The following SLC30A4 variants were observed in gnomAD, a reference collection of about 807,000 sequenced individuals.
SLC30A4 encodes probable proton-coupled zinc antiporter SLC30A4.
A neutral mutation model predicts 41.7 loss-of-function variants in SLC30A4; 20 were observed. The observed-to-expected ratio is 0.48, with a 90% CI of 0.34 to 0.70. The LOEUF (loss-of-function observed/expected upper bound fraction) is 0.70, where lower values mean the gene tolerates loss of function less well. Ranked by LOEUF, SLC30A4 falls within the 30% of genes least tolerant of loss-of-function variation. The pLI is 0.01. For synonymous variants in SLC30A4, 181 were observed against 195.9 expected, an observed-to-expected ratio of 0.92 and a Z score of 0.64; for missense variants, 441 against 529.3, an observed-to-expected ratio of 0.83 and a Z score of 1.64.
chr15:45,517,008 T>C (rs908647200), intron 2 of SLC30A4, among the ~76,000 whole-genome samples: 1 of 152,174 alleles, frequency 6.6e-6, no homozygotes. Flanking sequence ...GAAGTTTATA[T>C]ACACTCTCAA....
intron 2 of SLC30A4, among the ~76,000 whole-genome samples, chr15:45,512,767 A>G (rs1892338003): frequency 1.3e-5 from 2 of 152,186 alleles, no homozygotes; most frequent in Non-Finnish European, 2.9e-5. Flanking sequence ...GATGATAGAA[A>G]TGTTCTGTAT....
intron 4 of SLC30A4, among the ~76,000 whole-genome samples, chr15:45,490,309 G>A (rs1171833569): frequency 6.6e-6 from 1 of 152,116 alleles, no homozygotes; most frequent in Non-Finnish European, 1.5e-5. Context: ...AGGCTGTCTT[G>A]AACTCTAGAG....
chr15:45,516,101 T>C (rs926108681), intron 2 of SLC30A4, among the ~76,000 whole-genome samples: 1 of 152,192 alleles, frequency 6.6e-6, no homozygotes, highest in Non-Finnish European at 1.5e-5. Flanking sequence ...TCTTGCTTCA[T>C]GGATACGTGA....
intron 3 of SLC30A4, chr15:45,497,118 A>T (rs1164837257): frequency 1.3e-5 from 2 of 152,178 alleles, no homozygotes; most frequent in Non-Finnish European, 2.9e-5. Context: ...CCCAGGCTGA[A>T]GTGCAGTGGC....
At chr15:45,486,576 C>G (rs778361085) in intron 7 of SLC30A4, 35 bp downstream of exon 7, 29 of 1,536,370 alleles carry the variant, frequency 1.9e-5, no homozygotes, top group Middle Eastern at 3.4e-4. Context: ...AGAAGTCCAC[C>G]AACCCCAGGC....
chr15:45,521,783 T>G, intron 2 of SLC30A4, 181 bp downstream of exon 2: 3 of 554,174 alleles, frequency 5.4e-6, no homozygotes, highest in Non-Finnish European at 9.4e-6. Flanking sequence ...CTCGGGGAGT[T>G]TATATTGTAC....
intron 3 of SLC30A4, among the ~76,000 whole-genome samples, chr15:45,495,953 C>T (rs766836907): frequency 6.6e-6 from 1 of 152,142 alleles, no homozygotes; most frequent in Non-Finnish European, 1.5e-5. Context: ...AAAGCAAAGA[C>T]ACTAGTCTGT....
chr15:45,522,608 T>TGGGG lies in SLC30A4; in HGVS notation c.-120_-117dup. The TGGGG allele has an allele frequency of 2.8e-6, 1 of 353,782 alleles. No homozygotes were observed. Among genetic ancestry groups the TGGGG allele is most frequent in the Non-Finnish European group, 5.0e-6 (1 of 198,356 alleles). The allele number at this position is 353,782 out of a possible 1,614,324, so 21.9% of individuals were successfully genotyped here. ...GGGGGCGGCACATCTATTTAATACC[T>TGGGG]GGGGCGCTGCCGCGGGGCCGCAACT... On this transcript the variant is annotated splice_region_variant and 5_prime_UTR_variant, in exon 1 of 8. An upstream open reading frame in the 5' UTR loses its in-frame stop. Coordinates refer to ENST00000261867, the MANE Select transcript of SLC30A4 (RefSeq NM_013309.6).
chr15:45,487,976 T>TCAGAGCTGGAAAGAA (rs1275799558), intron 5 of SLC30A4, among the ~76,000 whole-genome samples: 2 of 150,272 alleles, frequency 1.3e-5, no homozygotes, highest in African/African-American at 4.9e-5. Context: ...TGTGTGTGTG[T>TCAGAGCTGGAAAGAA]GTGTGTGTGT....
At chr15:45,511,052 T>C (rs1892277011) in intron 3 of SLC30A4, 86 bp downstream of exon 3, 1 of 1,025,478 alleles carries the variant, frequency 9.8e-7, no homozygotes. Flanking sequence ...AAGATATCAC[T>C]GGAACGAGTT....
Position 45,481,765 on chromosome 15 carries a change from C to A in SLC30A4, c.*3398G>T, listed in dbSNP as rs1891605193. 1 of 152,098 alleles carries A rather than the reference C, an allele frequency of 6.6e-6. No homozygotes were observed. The highest frequency in any genetic ancestry group is 2.4e-5 in the African/African-American group (1 of 41,406). 9.4% of individuals were successfully genotyped at this position (152,098 alleles called of 1,614,324 possible). ...TTGGTCCTATCTGCTAAGTTAATGT[C>A]CTTTTCTGTGGGTTAAGTTACAAAA... On this transcript the variant is annotated 3_prime_UTR_variant, in exon 8 of 8. Coordinates refer to ENST00000261867, the MANE Select transcript of SLC30A4 (RefSeq NM_013309.6).
At chr15:45,501,975 TCTAA>T (rs1422490002) in intron 3 of SLC30A4, 3 of 152,210 alleles carry the variant, frequency 2.0e-5, no homozygotes, top group Admixed American at 2.0e-4. Context: ...ACTACTAATA[TCTAA>T]CTATCATTCA....
intron 3 of SLC30A4, among the ~76,000 whole-genome samples, chr15:45,494,256 A>G (rs1285742516): frequency 6.6e-6 from 1 of 152,232 alleles, no homozygotes; most frequent in African/African-American, 2.4e-5. Context: ...CTAAATATGA[A>G]TAATAGGTTA....
At chr15:45,489,453 A>G (rs1891768649) in intron 4 of SLC30A4, among the ~76,000 whole-genome samples, 1 of 151,972 alleles carries the variant, frequency 6.6e-6, no homozygotes, top group Admixed American at 6.6e-5. Flanking sequence ...AGAATAGCAG[A>G]GCAAAGGCCC....
chr15:45,514,820 A>G (rs1198055176), intron 2 of SLC30A4, among the ~76,000 whole-genome samples: 1 of 151,422 alleles, frequency 6.6e-6, no homozygotes, highest in Non-Finnish European at 1.5e-5. Context: ...TGGCCTCTAA[A>G]TTGTTTTTGC....
At chr15:45,489,799 C>A (rs1891776321) in intron 4 of SLC30A4, among the ~76,000 whole-genome samples, 1 of 151,972 alleles carries the variant, frequency 6.6e-6, no homozygotes, top group South Asian at 2.1e-4. Flanking sequence ...AAATTCATTT[C>A]ATTCTAAGTA....
rs1309005722 is a variant in SLC30A4, at chr15:45,490,781, T to A, written c.639A>T (p.Ile213=). The change falls in exon 4 of 8, where the codon ATA becomes ATT. Residue 213 remains isoleucine (I), a synonymous_variant. Coordinates refer to ENST00000261867, the MANE Select transcript of SLC30A4 (RefSeq NM_013309.6). ...VQRTIHMNYE[I]NGDIMLITAA... Reference sequence around the variant, plus strand: ...CGGTGATGAGCATTATATCTCCATTTATTTCATAGTTCATATGGATAGTTC... The same window carrying A: ...CGGTGATGAGCATTATATCTCCATTAATTTCATAGTTCATATGGATAGTTC... 1.9e-5 allele frequency: 30 copies of A among 1,611,822 alleles called. No individual in the cohort carries two copies. Among genetic ancestry groups the A allele is most frequent in the Non-Finnish European group, 2.4e-5 (28 of 1,178,572 alleles).
At position 45,480,237 on chromosome 15, in the gene SLC30A4, A is replaced by G. The variant is rs894653469; in HGVS notation, c.*4926T>C. ...TGGAACAGCAGGTTAAACCCTTTACAAGTCAGAATTCAGTGACTGGCAGGC... is the reference window on the plus strand; with the variant it reads ...TGGAACAGCAGGTTAAACCCTTTACGAGTCAGAATTCAGTGACTGGCAGGC... On this transcript the variant is annotated 3_prime_UTR_variant, in exon 8 of 8. Transcript: ENST00000261867. 2.6e-5 allele frequency: 4 copies of G among 152,226 alleles called. No individual in the cohort carries two copies. Among genetic ancestry groups the G allele is most frequent in the Non-Finnish European group, 5.9e-5 (4 of 68,042 alleles). 9.4% of individuals were successfully genotyped at this position (152,226 alleles called of 1,614,324 possible).
chr15:45,485,843 G>A (rs141881266), intron 7 of SLC30A4, among the ~76,000 whole-genome samples: 8,889 of 144,620 alleles, frequency 0.061, 480 homozygotes, highest in East Asian at 0.3. Context: ...TCAGCCTCCC[G>A]AGTAGCTGGG....
Sources: allele counts gnomAD v4.1 joint callset (sites outside exome capture counted in the v4.1 genomes callset), GRCh38; gene constraint gnomAD v4.1.1; transcripts MANE v1.5; gene names NCBI Gene and HGNC (gene_info 2026-07-23, HGNC 2026-07-21).